Variants in MAML2 observed in about 807,000 individuals in gnomAD.
MAML2 encodes mastermind like transcriptional coactivator 2.
In MAML2, 22 loss-of-function variants were observed where a neutral mutation model predicts 96.1. The ratio of observed to expected loss-of-function variants is 0.23; its 90% confidence interval spans 0.16 to 0.33. MAML2 has a LOEUF of 0.33. Among genes scored for constraint, MAML2 ranks in the 10% least tolerant of loss-of-function variants. The pLI, the probability that MAML2 is intolerant of heterozygous loss-of-function variation, is 1.00. For missense variants in MAML2, 1,367 were observed against 1,392.4 expected (o/e 0.98, Z 0.29); for synonymous variants, 561 against 521.3 (o/e 1.08, Z -1.04).
At chr11:96,010,954 GT>G (rs574199825) in intron 2 of MAML2, among the ~76,000 whole-genome samples, 2 of 152,030 alleles carry the variant, frequency 1.3e-5, no homozygotes, top group Non-Finnish European at 2.9e-5. Context: ...TAAAAATACT[GT>G]TTTTTTCCTC....
chr11:96,302,182 C>T (rs989209003), intron 1 of MAML2, among the ~76,000 whole-genome samples: 9 of 152,310 alleles, frequency 5.9e-5, no homozygotes, highest in East Asian at 1.9e-4. Context: ...GCTATGCCAT[C>T]ACATAATCAG....
chr11:96,131,958 C>T (rs574138099), intron 1 of MAML2, among the ~76,000 whole-genome samples: 3 of 152,170 alleles, frequency 2.0e-5, no homozygotes, highest in East Asian at 1.9e-4. Context: ...TGCAGTGAGC[C>T]GAGACTGTGC....
intron 2 of MAML2, among the ~76,000 whole-genome samples, chr11:96,040,557 A>G (rs1000928687): frequency 6.6e-6 from 1 of 152,174 alleles, no homozygotes; most frequent in African/African-American, 2.4e-5. Flanking sequence ...ACCTGAGGTC[A>G]GGAGTTTGAG....
At chr11:95,999,965 T>C (rs1473685469) in intron 2 of MAML2, among the ~76,000 whole-genome samples, 6 of 152,240 alleles carry the variant, frequency 3.9e-5, no homozygotes, top group Non-Finnish European at 7.3e-5. Context: ...CTCTCGGCTA[T>C]TCATCTTCGG....
At chr11:96,323,263 A>T (rs1863731850) in intron 1 of MAML2, among the ~76,000 whole-genome samples, 1 of 152,194 alleles carries the variant, frequency 6.6e-6, no homozygotes. Flanking sequence ...GATTCCCCAA[A>T]GAAGGTTCCA....
At chr11:96,123,237 C>A (rs1860380566) in intron 1 of MAML2, among the ~76,000 whole-genome samples, 2 of 152,140 alleles carry the variant, frequency 1.3e-5, no homozygotes, top group African/African-American at 4.8e-5. Flanking sequence ...GCAGGAACCA[C>A]TAGATCTCCA....
chr11:96,162,038 A>G (rs1328219446), intron 1 of MAML2, among the ~76,000 whole-genome samples: 1 of 152,166 alleles, frequency 6.6e-6, no homozygotes, highest in African/African-American at 2.4e-5. Context: ...GTTTTAAATT[A>G]AGAAGCATTT....
Position 96,157,747 on chromosome 11 carries a change from A to C in MAML2, c.514-64230T>G, listed in dbSNP as rs993723944. ...AGATGATTGATAGCTAGATATAGAT[A>C]TAGATAAAGCTTGTACATGTGGGTT... On this transcript the variant is annotated intron_variant, in intron 1 of 4. Transcript: ENST00000524717. Among the ~76,000 whole-genome samples, 6 of 152,262 alleles carry C rather than the reference A, an allele frequency of 3.9e-5. No individual in the cohort carries two copies. The East Asian group carries it at 1.2e-3, about 29-fold the overall frequency.
intron 1 of MAML2, among the ~76,000 whole-genome samples, chr11:96,219,382 C>A (rs902488989): frequency 1.3e-5 from 2 of 152,190 alleles, no homozygotes; most frequent in African/African-American, 4.8e-5. Flanking sequence ...GGCATGAGTT[C>A]TTTGCCACCT....
At chr11:96,130,144 T>C (rs531706680) in intron 1 of MAML2, among the ~76,000 whole-genome samples, 13 of 152,362 alleles carry the variant, frequency 8.5e-5, no homozygotes, top group Admixed American at 4.6e-4. Flanking sequence ...GTGAAGATTA[T>C]CTTCCTGGCA....
At chr11:96,234,642 C>T (rs1445672648) in intron 1 of MAML2, among the ~76,000 whole-genome samples, 11 of 152,164 alleles carry the variant, frequency 7.2e-5, no homozygotes, top group African/African-American at 2.7e-4. Flanking sequence ...ATCTGTATCT[C>T]TATCTTTCTC....
At chr11:95,992,561 A>G (rs1857930144) in intron 2 of MAML2, among the ~76,000 whole-genome samples, 1 of 152,254 alleles carries the variant, frequency 6.6e-6, no homozygotes, top group African/African-American at 2.4e-5. Context: ...GTACACTAGT[A>G]GGGTTACAAG....
At chr11:96,221,984 G>A (rs988896245) in intron 1 of MAML2, among the ~76,000 whole-genome samples, 3 of 151,844 alleles carry the variant, frequency 2.0e-5, no homozygotes, top group African/African-American at 7.3e-5. Flanking sequence ...CCCAGTTTCC[G>A]TTTCTACTTT....
At chr11:96,108,033 A>G (rs1022281889) in intron 1 of MAML2, among the ~76,000 whole-genome samples, 2 of 152,228 alleles carry the variant, frequency 1.3e-5, no homozygotes, top group African/African-American at 4.8e-5. Flanking sequence ...AGGTGATAGG[A>G]ACCCCAATTT....
At chr11:96,212,531 T>C (rs1240416382) in intron 1 of MAML2, among the ~76,000 whole-genome samples, 1 of 152,144 alleles carries the variant, frequency 6.6e-6, no homozygotes, top group Non-Finnish European at 1.5e-5. Flanking sequence ...GAAGATTTTT[T>C]AGGAAGCAGA....
Position 96,237,331 on chromosome 11 carries a change from G to C in MAML2, c.513+104052C>G, listed in dbSNP as rs535675691. Among the ~76,000 whole-genome samples, 5 of 152,328 alleles carry C rather than the reference G, an allele frequency of 3.3e-5. No individual in the cohort carries two copies. The East Asian group carries it at 9.6e-4, about 29-fold the overall frequency. On this transcript the variant is annotated intron_variant, in intron 1 of 4. Coordinates refer to ENST00000524717, the MANE Select transcript of MAML2 (RefSeq NM_032427.4). The stretch of plus-strand genomic sequence containing the variant: ...TAAAAATTGTTGGTTTGTTTTGAAA[G>C]TCTTCCTGGATGACCTCAGCCCATG...
chr11:96,308,611 T>C (rs1863498324), intron 1 of MAML2, among the ~76,000 whole-genome samples: 1 of 152,338 alleles, frequency 6.6e-6, no homozygotes, highest in East Asian at 1.9e-4. Context: ...CAAATGGTAC[T>C]TTGCATCAGA....
At chr11:96,042,318 C>G (rs535479154) in intron 2 of MAML2, among the ~76,000 whole-genome samples, 1 of 152,094 alleles carries the variant, frequency 6.6e-6, no homozygotes, top group Admixed American at 6.5e-5. Context: ...GACCAGGTTT[C>G]TCCATGTTGG....
intron 1 of MAML2, among the ~76,000 whole-genome samples, chr11:96,217,294 C>T (rs1346471535): frequency 6.6e-6 from 1 of 152,194 alleles, no homozygotes; most frequent in Non-Finnish European, 1.5e-5. Flanking sequence ...AAAGTAACTG[C>T]ACAAGCGCAA....
Sources: allele counts gnomAD v4.1 joint callset (sites outside exome capture counted in the v4.1 genomes callset), GRCh38; gene constraint gnomAD v4.1.1; transcripts MANE v1.5; gene names NCBI Gene and HGNC (gene_info 2026-07-23, HGNC 2026-07-21).